ST3GAL6: variants seen among roughly 807,000 people sequenced by gnomAD.
ST3GAL6 encodes the protein type 2 lactosamine alpha-2,3-sialyltransferase.
ST3GAL6 carries 31 observed loss-of-function variants against 40.5 expected under a neutral mutation model. The ratio of observed to expected loss-of-function variants is 0.77; its 90% CI spans 0.58 to 1.03. The LOEUF is 1.03. Ranked by LOEUF, ST3GAL6 falls within the 50% of genes least tolerant of loss-of-function variation. The pLI is 0.00. For missense variants in ST3GAL6, 357 were observed against 393.2 expected, an observed-to-expected ratio of 0.91 and a Z score of 0.78; for synonymous variants, 129 against 136.9, an observed-to-expected ratio of 0.94 and a Z score of 0.40.
At chr3:98,746,688 T>G (rs1559724379) in intron 1 of ST3GAL6, among the ~76,000 whole-genome samples, 1 of 152,082 alleles carries the variant, frequency 6.6e-6, no homozygotes, top group Non-Finnish European at 1.5e-5. Context: ...AACAAAATTA[T>G]TTTTTTAATT....
Position 98,772,841 on chromosome 3 carries a change from G to A in ST3GAL6, c.196G>A (p.Ala66Thr). 6.2e-7 allele frequency: 1 copy of A among 1,613,264 alleles called. No homozygotes were observed. Among genetic ancestry groups the A allele is most frequent in the Non-Finnish European group, 8.5e-7 (1 of 1,179,472 alleles). The change falls in exon 4 of 10, where the codon GCG (alanine) becomes ACG (threonine). Residue 66 changes from alanine to threonine, a missense_variant. Coordinates refer to ENST00000483910, the MANE Select transcript of ST3GAL6 (RefSeq NM_001323368.2). ...TCATCAGTTTCACCCTTTTCTGTGT[G>A]CGGCTGATTTTAGAAAGATTGCTTC... is the stretch of plus-strand genomic sequence containing the variant. The part of the protein sequence containing the change: ...RFHQFHPFLC[A>T]ADFRKIASLY...
chr3:98,771,221 T>C, intron 3 of ST3GAL6: 8 of 1,286,094 alleles, frequency 6.2e-6, no homozygotes, highest in Non-Finnish European at 8.2e-6. Context: ...TTGTGTTTGA[T>C]TATAAAAAAG....
chr3:98,767,657 C>T (rs2107159719), intron 1 of ST3GAL6, among the ~76,000 whole-genome samples: 1 of 152,252 alleles, frequency 6.6e-6, no homozygotes, highest in Non-Finnish European at 1.5e-5. Context: ...GAAACTTTTC[C>T]TTTTTTCCTT....
intron 1 of ST3GAL6, among the ~76,000 whole-genome samples, chr3:98,750,880 A>G (rs1936956796): frequency 6.6e-6 from 1 of 152,122 alleles, no homozygotes; most frequent in South Asian, 2.1e-4. Flanking sequence ...CTTGGTAGCC[A>G]TCAGAACCAA....
intron 1 of ST3GAL6, among the ~76,000 whole-genome samples, chr3:98,750,677 A>G (rs1182976919): frequency 6.6e-6 from 1 of 152,118 alleles, no homozygotes; most frequent in East Asian, 1.9e-4. Flanking sequence ...GGTGATGCCA[A>G]TGGCTATTAA....
At chr3:98,787,026 C>T (rs371136735) in intron 6 of ST3GAL6, among the ~76,000 whole-genome samples, 8 of 150,592 alleles carry the variant, frequency 5.3e-5, no homozygotes, top group African/African-American at 2.0e-4. Context: ...GCAAAGTTAG[C>T]ATACTGAGGC....
At chr3:98,789,721 C>T (rs1242826471) in intron 8 of ST3GAL6, among the ~76,000 whole-genome samples, 2 of 152,170 alleles carry the variant, frequency 1.3e-5, no homozygotes, top group African/African-American at 4.8e-5. Context: ...TAAAGGACAG[C>T]TTCTGAATGT....
chr3:98,780,050 A>C (rs573455913), intron 5 of ST3GAL6, among the ~76,000 whole-genome samples: 3 of 152,376 alleles, frequency 2.0e-5, no homozygotes, highest in Admixed American at 2.0e-4. Context: ...AAGGACACTG[A>C]AAGTCATTGT....
At position 98,793,696 on chromosome 3, in the gene ST3GAL6, G is replaced by T; in HGVS notation, c.931G>T (p.Ala311Ser). 1 of 1,594,388 alleles carries T rather than the reference G, an allele frequency of 6.3e-7. No individual in the cohort carries two copies. The highest frequency in any genetic ancestry group is 1.7e-4 in the Middle Eastern group (1 of 6,014). Residue 311 changes from alanine to serine, a missense_variant, in exon 10 of 10, where the codon GCA becomes TCA. Physicochemically the swap from Ala to Ser is moderately conservative, Grantham distance 99. Coordinates refer to ENST00000483910, the MANE Select transcript of ST3GAL6 (RefSeq NM_001323368.2). ...MNKNAYHNVTAEQLFLKDIIE... is the reference protein window; with the variant it reads ...MNKNAYHNVTSEQLFLKDIIE... ...TTAGAACGCGTATCACAATGTGACT[G>T]CAGAGCAGCTCTTTTTGAAGGACAT...
chr3:98,786,955 A>AGTGTGTGTGTGT (rs60592978), intron 6 of ST3GAL6, among the ~76,000 whole-genome samples: 24,249 of 147,228 alleles, frequency 0.16, 2,106 homozygotes, highest in Non-Finnish European at 0.19. Flanking sequence ...ATCTGGGATA[A>AGTGTGTGTGTGT]GTGTGTGTGT....
chr3:98,783,325 A>G (rs1940364027), intron 5 of ST3GAL6: 2 of 153,042 alleles, frequency 1.3e-5, no homozygotes, highest in African/African-American at 2.4e-5. Context: ...CCTTGGTTTT[A>G]TCCCTGCTCA....
At chr3:98,737,745 A>G (rs191599145) in intron 1 of ST3GAL6, among the ~76,000 whole-genome samples, 3 of 152,332 alleles carry the variant, frequency 2.0e-5, no homozygotes, top group Non-Finnish European at 2.9e-5. Flanking sequence ...CAGGAGACCT[A>G]TCTCACATTC....
chr3:98,770,818 G>C, intron 2 of ST3GAL6, 61 bp from the exon 3 acceptor site: 5 of 1,450,500 alleles, frequency 3.4e-6, no homozygotes, highest in Non-Finnish European at 4.8e-6. Context: ...CAGGGCATTT[G>C]CTTCCCTTTG....
At chr3:98,783,153 C>A in intron 5 of ST3GAL6, 1 of 188,224 alleles carries the variant, frequency 5.3e-6, no homozygotes, top group Non-Finnish European at 1.1e-5. Context: ...GCAAGTCACA[C>A]CACTTGAGGG....
chr3:98,759,372 G>A (rs1283743044), upstream of ST3GAL6, among the ~76,000 whole-genome samples: 1 of 152,174 alleles, frequency 6.6e-6, no homozygotes, highest in African/African-American at 2.4e-5. Flanking sequence ...TACCCAAGGG[G>A]AGATTCTGGA....
At chr3:98,748,491 A>G (rs769761123) in intron 1 of ST3GAL6, among the ~76,000 whole-genome samples, 6 of 152,090 alleles carry the variant, frequency 3.9e-5, no homozygotes, top group Non-Finnish European at 7.4e-5. Context: ...TTTGAGACAG[A>G]GTCTTGCTCT....
intron 1 of ST3GAL6, among the ~76,000 whole-genome samples, chr3:98,766,677 T>A (rs546717559): frequency 6.6e-6 from 1 of 152,206 alleles, no homozygotes; most frequent in Non-Finnish European, 1.5e-5. Context: ...TGCCTCAGCC[T>A]CCCAAAGTGC....
At position 98,792,006 on chromosome 3, in the gene ST3GAL6, A is replaced by C. The variant is rs768615096; in HGVS notation, c.909+13A>C. 3 of 1,594,602 alleles carry C rather than the reference A, an allele frequency of 1.9e-6. No homozygotes were observed. The East Asian group carries it at 6.7e-5, about 36-fold the overall frequency. ...TTTGATGAATAAGGTAATATACTGT[A>C]CTTTAGGTAATATACATATGCTTTG... On this transcript the variant is annotated intron_variant, in intron 9 of 9. Coordinates refer to ENST00000483910, the MANE Select transcript of ST3GAL6 (RefSeq NM_001323368.2).
chr3:98,763,009 G>A (rs935221602), upstream of ST3GAL6: 1 of 985,384 alleles, frequency 1.0e-6, no homozygotes. Context: ...TACCTAATTA[G>A]TAATAAGGAC....
Sources: gnomAD v4.1 joint callset for allele counts (sites outside exome capture counted in the v4.1 genomes callset) on GRCh38, gnomAD v4.1.1 for gene constraint, MANE v1.5 for transcripts, NCBI Gene and HGNC (gene_info 2026-07-23, HGNC 2026-07-21) for gene names.